Variants in UNC13C observed in about 807,000 individuals in gnomAD.
The protein encoded by UNC13C is unc-13 homolog C.
Under a neutral mutation model 245.4 loss-of-function variants are expected in UNC13C, and 174 were observed. That is an observed-to-expected ratio of 0.71 (90% CI 0.63 to 0.80). The LOEUF is 0.80. UNC13C is among the 30% of genes least tolerant of loss of function. The pLI is 0.00. For synonymous variants in UNC13C, 992 were observed against 895.1 expected (o/e 1.11, Z -1.93); for missense variants, 2,829 against 2,602.9 (o/e 1.09, Z -1.89).
At chr15:54,344,655 G>T (rs2038818790) in intron 17 of UNC13C, among the ~76,000 whole-genome samples, 1 of 152,174 alleles carries the variant, frequency 6.6e-6, no homozygotes, top group Non-Finnish European at 1.5e-5. Flanking sequence ...TACTTCATAT[G>T]ATTAAGGCTT....
the UNC13C span, among the ~76,000 whole-genome samples, chr15:53,895,383 G>A: frequency 2.1e-5 from 3 of 142,726 alleles, no homozygotes; most frequent in East Asian, 2.1e-4. Flanking sequence ...AAGAAATTTT[G>A]TGTCATGTAA....
chr15:53,991,662 A>G (rs377350345), intron 1 of UNC13C, among the ~76,000 whole-genome samples: 2 of 151,986 alleles, frequency 1.3e-5, no homozygotes, highest in Non-Finnish European at 2.9e-5. Context: ...GCCTCTAGGA[A>G]CTGCATTCTA....
chr15:54,103,133 T>C (rs966617305), intron 2 of UNC13C, among the ~76,000 whole-genome samples: 4 of 152,214 alleles, frequency 2.6e-5, no homozygotes, highest in Admixed American at 1.3e-4. Context: ...ATTTGTTTCA[T>C]TCCGATCACA....
intron 4 of UNC13C, among the ~76,000 whole-genome samples, chr15:54,149,560 G>A (rs1474785849): frequency 6.6e-6 from 1 of 152,096 alleles, no homozygotes; most frequent in East Asian, 1.9e-4. Context: ...TTAGGCAATT[G>A]CAAACTGATC....
At chr15:54,562,135 A>G (rs1897320778) in intron 29 of UNC13C, among the ~76,000 whole-genome samples, 1 of 151,996 alleles carries the variant, frequency 6.6e-6, no homozygotes, top group Admixed American at 6.6e-5. Flanking sequence ...TGATGCTTAA[A>G]ACCCAATGCT....
At chr15:53,958,230 C>T in the UNC13C span, among the ~76,000 whole-genome samples, 344 of 152,246 alleles carry the variant, frequency 2.3e-3, 1 homozygote, top group Non-Finnish European at 2.8e-3. Context: ...AAAATCAGAA[C>T]AAACCGAAAT....
intron 4 of UNC13C, among the ~76,000 whole-genome samples, chr15:54,150,095 C>T (rs1207493556): frequency 6.6e-6 from 1 of 152,148 alleles, no homozygotes; most frequent in Non-Finnish European, 1.5e-5. Context: ...TCCTATTTCT[C>T]TCTCTTTTTA....
chr15:53,873,949 T>A, the UNC13C span, among the ~76,000 whole-genome samples: 5 of 143,748 alleles, frequency 3.5e-5, no homozygotes, highest in Admixed American at 3.5e-4. Context: ...CCTTCCTTCC[T>A]TCCTTCCTTC....
the UNC13C span, among the ~76,000 whole-genome samples, chr15:53,863,178 T>C: frequency 6.6e-6 from 1 of 152,046 alleles, no homozygotes; most frequent in Non-Finnish European, 1.5e-5. Context: ...AAGAAAGAGG[T>C]GACAGGTCCC....
chr15:54,345,700 C>G (rs1238712111), intron 17 of UNC13C, among the ~76,000 whole-genome samples: 2 of 152,214 alleles, frequency 1.3e-5, no homozygotes, highest in Non-Finnish European at 2.9e-5. Flanking sequence ...TGCCACCCCA[C>G]TATATATTTA....
intron 2 of UNC13C, among the ~76,000 whole-genome samples, chr15:54,085,645 C>G (rs1385557866): frequency 6.6e-6 from 1 of 151,996 alleles, no homozygotes; most frequent in East Asian, 1.9e-4. Flanking sequence ...ATAGGGTCTC[C>G]TTTGTCACCC....
chr15:53,906,993 C>T, the UNC13C span, among the ~76,000 whole-genome samples: 1 of 152,128 alleles, frequency 6.6e-6, no homozygotes, highest in Admixed American at 6.5e-5. Context: ...ACCCCCCTCT[C>T]TCGACACGTG....
intron 4 of UNC13C, among the ~76,000 whole-genome samples, chr15:54,156,590 G>GCT (rs1188160925): frequency 6.6e-6 from 1 of 151,996 alleles, no homozygotes; most frequent in Non-Finnish European, 1.5e-5. Flanking sequence ...GAGGCACAAA[G>GCT]CTGTAGTGCA....
In UNC13C at chr15:54,437,409, C is replaced by T. The variant is rs541649846; in HGVS notation, c.4933+22342C>T. ...TCTAAAATTTATAAAACTTGTAACT[C>T]TCAAAACATTGGGGCTTCTTGGTAA... On this transcript the variant is annotated intron_variant, in intron 19 of 32. Transcript: ENST00000260323. Among the ~76,000 whole-genome samples, 4 of 152,010 alleles carry T rather than the reference C, an allele frequency of 2.6e-5. No homozygotes were observed. In the South Asian group the frequency reaches 6.2e-4, roughly 24 times the overall value.
intron 13 of UNC13C, among the ~76,000 whole-genome samples, chr15:54,307,900 T>A (rs565119723): frequency 2.0e-5 from 3 of 151,956 alleles, no homozygotes; most frequent in Non-Finnish European, 2.9e-5. Context: ...AATTCTAACT[T>A]ATCACTGATA....
At chr15:54,500,568 T>C (rs1418759705) in intron 21 of UNC13C, among the ~76,000 whole-genome samples, 1 of 151,996 alleles carries the variant, frequency 6.6e-6, no homozygotes, top group Non-Finnish European at 1.5e-5. Context: ...AGCTAACCTA[T>C]TGCCTGTGGA....
At position 54,170,905 on chromosome 15, in the gene UNC13C, G is replaced by C. The variant is rs373153444; in HGVS notation, c.3071+27221G>C. On this transcript the variant is annotated intron_variant, in intron 4 of 32. Coordinates refer to ENST00000260323, the MANE Select transcript of UNC13C (RefSeq NM_001080534.3). Reference sequence around the variant, plus strand: ...AGCCATTGTTTCTGTGAGAGTCTGCGCAAGACTCAGATGGCATCCCTAAAA... The same window carrying C: ...AGCCATTGTTTCTGTGAGAGTCTGCCCAAGACTCAGATGGCATCCCTAAAA... Among the ~76,000 whole-genome samples the C allele has an allele frequency of 4.0e-3, 604 of 152,244 alleles. 4 individuals are homozygous for C. Among genetic ancestry groups the C allele is most frequent in the African/African-American group, 0.014 (582 of 41,554 alleles).
chr15:54,110,491 T>G (rs1249983541), intron 2 of UNC13C, among the ~76,000 whole-genome samples: 1 of 152,166 alleles, frequency 6.6e-6, no homozygotes, highest in Admixed American at 6.5e-5. Context: ...GAGATCGCTT[T>G]CTATGTTGAA....
chr15:54,254,427 C>T (rs1331593141), intron 8 of UNC13C, among the ~76,000 whole-genome samples: 1 of 152,170 alleles, frequency 6.6e-6, no homozygotes, highest in African/African-American at 2.4e-5. Flanking sequence ...AATGAGTACT[C>T]AGGAAACTTG....
Sources: allele counts gnomAD v4.1 joint callset (sites outside exome capture counted in the v4.1 genomes callset), GRCh38; gene constraint gnomAD v4.1.1; transcripts MANE v1.5; gene names NCBI Gene and HGNC (gene_info 2026-07-23, HGNC 2026-07-21).